The following KCNAB1 variants were observed in gnomAD, a reference collection of about 807,000 sequenced individuals.
KCNAB1 encodes voltage-gated potassium channel subunit beta-1.
Under a neutral mutation model 64.6 loss-of-function variants are expected in KCNAB1, and 35 were observed. The observed-to-expected ratio is 0.54, with a 90% CI of 0.41 to 0.72. KCNAB1 has a LOEUF of 0.72. KCNAB1 is among the 30% of genes least tolerant of loss of function. The pLI is 0.00. For missense variants in KCNAB1, 401 were observed against 512.9 expected, an observed-to-expected ratio of 0.78 and a Z score of 2.11; for synonymous variants, 177 against 183.8, an observed-to-expected ratio of 0.96 and a Z score of 0.30.
intron 1 of KCNAB1, among the ~76,000 whole-genome samples, chr3:156,253,193 T>G (rs999395911): frequency 3.3e-5 from 5 of 152,226 alleles, no homozygotes; most frequent in South Asian, 2.1e-4. Flanking sequence ...AAGACTGCCT[T>G]AATTCAATTT....
At chr3:156,428,206 G>A (rs1042187696) in intron 2 of KCNAB1, among the ~76,000 whole-genome samples, 2 of 152,098 alleles carry the variant, frequency 1.3e-5, no homozygotes, top group African/African-American at 4.8e-5. Flanking sequence ...TCCCTAATGT[G>A]GGTAGCACTT....
At chr3:156,143,786 A>G (rs1714875270) in intron 1 of KCNAB1, among the ~76,000 whole-genome samples, 1 of 150,346 alleles carries the variant, frequency 6.7e-6, no homozygotes, top group South Asian at 2.1e-4. Flanking sequence ...TTAAGAGTAG[A>G]ATTTTTTTTT....
intron 1 of KCNAB1, among the ~76,000 whole-genome samples, chr3:156,136,884 A>C (rs1479163178): frequency 6.6e-6 from 1 of 152,236 alleles, no homozygotes; most frequent in Non-Finnish European, 1.5e-5. Flanking sequence ...GCTCCACTCA[A>C]AGATGCTTTC....
At chr3:156,501,880 A>T (rs1007407073) in intron 8 of KCNAB1, among the ~76,000 whole-genome samples, 12 of 152,270 alleles carry the variant, frequency 7.9e-5, no homozygotes, top group Admixed American at 7.2e-4. Context: ...GGTGAATGGC[A>T]CTTCTTACAT....
chr3:156,518,483 AGAAG>A (rs944886997), intron 11 of KCNAB1, among the ~76,000 whole-genome samples: 3 of 152,046 alleles, frequency 2.0e-5, no homozygotes, highest in Non-Finnish European at 4.4e-5. Context: ...AAGAAAAGAA[AGAAG>A]GAAGGAAGGA....
chr3:156,136,587 T>G (rs1197226850), intron 1 of KCNAB1, among the ~76,000 whole-genome samples: 1 of 152,198 alleles, frequency 6.6e-6, no homozygotes, highest in Non-Finnish European at 1.5e-5. Context: ...CAACATTACT[T>G]AAAAAGAGAG....
At chr3:156,211,538 C>G (rs1468894606) in intron 1 of KCNAB1, among the ~76,000 whole-genome samples, 1 of 152,170 alleles carries the variant, frequency 6.6e-6, no homozygotes, top group Non-Finnish European at 1.5e-5. Flanking sequence ...AACCCCAGGT[C>G]CTATGCCAAT....
At chr3:156,367,032 T>G (rs985280270) in intron 1 of KCNAB1, among the ~76,000 whole-genome samples, 38 of 152,284 alleles carry the variant, frequency 2.5e-4, no homozygotes, top group Non-Finnish European at 4.7e-4. Flanking sequence ...GCTAATCTAG[T>G]ACCTGGGCAG....
chr3:156,359,812 C>T (rs1214072066), intron 1 of KCNAB1, among the ~76,000 whole-genome samples: 1 of 152,152 alleles, frequency 6.6e-6, no homozygotes, highest in Non-Finnish European at 1.5e-5. Flanking sequence ...AATGAGCTTT[C>T]TATAGATTTG....
intron 8 of KCNAB1, among the ~76,000 whole-genome samples, chr3:156,486,957 C>A (rs897835685): frequency 6.6e-6 from 1 of 152,078 alleles, no homozygotes; most frequent in African/African-American, 2.4e-5. Flanking sequence ...CCAAAGGATA[C>A]TTGCTCTACT....
At chr3:156,333,960 T>C (rs1723514498) in intron 1 of KCNAB1, among the ~76,000 whole-genome samples, 1 of 152,124 alleles carries the variant, frequency 6.6e-6, no homozygotes, top group Non-Finnish European at 1.5e-5. Context: ...AAAAAAATTA[T>C]CTTTTTAGAT....
rs573618325 is a variant in KCNAB1 at position 156,228,889 on chromosome 3, G to A, written c.275+108003G>A. Reference sequence around the variant, plus strand: ...TTATTTCCCACTGTCAAGATTCTGGGCAAGCCCGCCTCTGAGTTCCATGGC... The same window carrying A: ...TTATTTCCCACTGTCAAGATTCTGGACAAGCCCGCCTCTGAGTTCCATGGC... On this transcript the variant is annotated intron_variant, in intron 1 of 13. Coordinates refer to ENST00000490337, the MANE Select transcript of KCNAB1 (RefSeq NM_172160.3). Among the ~76,000 whole-genome samples the A allele has an allele frequency of 1.3e-5, 2 of 152,298 alleles. 1 individual carries two copies. The highest frequency in any genetic ancestry group is 4.1e-4 in the South Asian group (2 of 4,824).
intron 2 of KCNAB1, among the ~76,000 whole-genome samples, chr3:156,422,432 A>T (rs1344358002): frequency 6.6e-6 from 1 of 152,250 alleles, no homozygotes; most frequent in Non-Finnish European, 1.5e-5. Flanking sequence ...TATGTTTTCA[A>T]GGTAAAACCT....
intron 1 of KCNAB1, among the ~76,000 whole-genome samples, chr3:156,247,891 C>T (rs1717563267): frequency 6.6e-6 from 1 of 152,032 alleles, no homozygotes; most frequent in South Asian, 2.1e-4. Flanking sequence ...TTTGTGTCAC[C>T]AGCAACTGTG....
intron 1 of KCNAB1, among the ~76,000 whole-genome samples, chr3:156,285,606 T>G (rs1257316049): frequency 1.3e-5 from 2 of 152,140 alleles, no homozygotes; most frequent in Non-Finnish European, 2.9e-5. Flanking sequence ...GCTCAAGTGA[T>G]CCTCCCACCT....
At position 156,243,819 on chromosome 3, in the gene KCNAB1, C is replaced by G. The variant is rs114293351; in HGVS notation, c.275+122933C>G. Among the ~76,000 whole-genome samples the G allele has an allele frequency of 7.8e-3, 1,182 of 152,312 alleles. 13 individuals are homozygous for G. Among genetic ancestry groups the G allele is most frequent in the African/African-American group, 0.027 (1,135 of 41,564 alleles). ...GCAGGAGCCATTACTTTCAGAAGGT[C>G]ACAGTAATCAGGGAATGTGCCATCT... On this transcript the variant is annotated intron_variant, in intron 1 of 13. Transcript: ENST00000490337.
At chr3:156,300,337 G>T (rs1181608370) in intron 1 of KCNAB1, among the ~76,000 whole-genome samples, 1 of 152,202 alleles carries the variant, frequency 6.6e-6, no homozygotes, top group Non-Finnish European at 1.5e-5. Context: ...TGCCTCATAA[G>T]GTTGCTGGTA....
chr3:156,514,361 C>T lies in KCNAB1; in HGVS notation c.659-3C>T. The T allele has an allele frequency of 6.2e-7, 1 of 1,613,150 alleles. No individual in the cohort carries two copies. Among genetic ancestry groups the T allele is most frequent in the East Asian group, 2.2e-5 (1 of 44,872 alleles). Reference sequence around the variant, plus strand: ...GAAATGCTGTCTGTTTGACCTTCCACAGAAATTGTCCGAGCCATGACACAT... The same window carrying T: ...GAAATGCTGTCTGTTTGACCTTCCATAGAAATTGTCCGAGCCATGACACAT... On this transcript the variant is annotated splice_region_variant and splice_polypyrimidine_tract_variant and intron_variant, in intron 8 of 13. Coordinates refer to ENST00000490337, the MANE Select transcript of KCNAB1 (RefSeq NM_172160.3).
intron 1 of KCNAB1, among the ~76,000 whole-genome samples, chr3:156,386,155 T>C (rs1168737866): frequency 3.9e-5 from 6 of 152,198 alleles, no homozygotes; most frequent in African/African-American, 1.2e-4. Context: ...AGTTTTATTT[T>C]AAAAGGCTTT....
Sources: gnomAD v4.1 joint callset for allele counts (sites outside exome capture counted in the v4.1 genomes callset) on GRCh38, gnomAD v4.1.1 for gene constraint, MANE v1.5 for transcripts, NCBI Gene and HGNC (gene_info 2026-07-23, HGNC 2026-07-21) for gene names.